The following ADAM7 variants were observed in gnomAD, a reference collection of about 807,000 sequenced individuals.
The protein encoded by ADAM7 is ADAM metallopeptidase domain 7.
A neutral mutation model predicts 102.9 loss-of-function variants in ADAM7; 97 were observed. The ratio of observed to expected loss-of-function variants is 0.94; its 90% CI spans 0.80 to 1.12. The LOEUF is 1.12. ADAM7 is among the 50% of genes most tolerant of loss of function. ADAM7 has a pLI of 0.00. For missense variants in ADAM7, 991 were observed against 908.7 expected (o/e 1.09, Z -1.16); for synonymous variants, 334 against 304.4 (o/e 1.10, Z -1.01).
In ADAM7 at chr8:24,476,519, A is replaced by C; in HGVS notation, c.705+15A>C. 6.3e-7 allele frequency: 1 copy of C among 1,593,578 alleles called. No homozygotes were observed. Among genetic ancestry groups the C allele is most frequent in the Non-Finnish European group, 8.6e-7 (1 of 1,163,336 alleles). On this transcript the variant is annotated intron_variant, in intron 8 of 21. Transcript: ENST00000175238. The stretch of plus-strand genomic sequence containing the variant: ...TTGTCAACATGGTAAGATTTGATAC[A>C]GTTTTTGAATCAAGCCAATAATACG...
intron 10 of ADAM7, among the ~76,000 whole-genome samples, chr8:24,486,764 T>C (rs891512013): frequency 1.3e-5 from 2 of 152,182 alleles, no homozygotes; most frequent in Non-Finnish European, 2.9e-5. Context: ...TTATGAGGGC[T>C]CTGCCCCCAT....
rs779218924 is a variant in ADAM7, at chr8:24,509,183, T to C, written c.*637T>C. The C allele has an allele frequency of 1.2e-5, 12 of 985,296 alleles. No individual in the cohort carries two copies. The highest frequency in any genetic ancestry group is 1.4e-5 in the Non-Finnish European group (12 of 829,950). The allele number at this position is 985,296 out of a possible 1,614,324, so 61.0% of individuals were successfully genotyped here. ...AATTCCTAGGTTTGCCTTTCTAGAA[T>C]TCCTTAAGAAGCTGACAGAGAAATC... On this transcript the variant is annotated 3_prime_UTR_variant, in exon 22 of 22. Transcript: ENST00000175238.
Position 24,489,224 on chromosome 8 carries a change from A to C in ADAM7, c.1157A>C (p.Lys386Thr), listed in dbSNP as rs1449438384. The C allele has an allele frequency of 6.2e-7, 1 of 1,613,550 alleles. No individual in the cohort carries two copies. The highest frequency in any genetic ancestry group is 8.5e-7 in the Non-Finnish European group (1 of 1,179,736). ...NQYHQYLKDY[K>T]PTCMLNIPFP... is the part of the protein sequence containing the mutation. Reference sequence around the variant, plus strand: ...TACCACCAGTACTTGAAGGATTATAAGCCAACATGCATGCTCAACATTCCA... The same window carrying C: ...TACCACCAGTACTTGAAGGATTATACGCCAACATGCATGCTCAACATTCCA... Residue 386 changes from lysine to threonine, a missense_variant, in exon 12 of 22, where the codon AAG becomes ACG. Coordinates refer to ENST00000175238, the MANE Select transcript of ADAM7 (RefSeq NM_003817.4).
intron 21 of ADAM7, among the ~76,000 whole-genome samples, chr8:24,508,219 C>T (rs1821015150): frequency 6.6e-6 from 1 of 152,134 alleles, no homozygotes; most frequent in Admixed American, 6.5e-5. Context: ...CACCGAAAAG[C>T]AGGGCATTTT....
At chr8:24,463,322 G>GT (rs1819313300) in intron 3 of ADAM7, among the ~76,000 whole-genome samples, 2 of 152,112 alleles carry the variant, frequency 1.3e-5, no homozygotes, top group Non-Finnish European at 2.9e-5. Context: ...TTAAAGCACT[G>GT]TAAGGCAGGC....
In ADAM7 at chr8:24,508,592, G is replaced by T. The variant is rs1821028151; in HGVS notation, c.*46G>T. The T allele has an allele frequency of 6.2e-7, 1 of 1,612,842 alleles. No homozygotes were observed. The highest frequency in any genetic ancestry group is 1.3e-5 in the African/African-American group (1 of 74,892). On this transcript the variant is annotated 3_prime_UTR_variant, in exon 22 of 22. Coordinates refer to ENST00000175238, the MANE Select transcript of ADAM7 (RefSeq NM_003817.4). ...AATGGCCGTGCAAGCTTAGGCTGGG[G>T]ATTCTGGATGCAACGTCTTTACAAC...
At chr8:24,501,856 G>A (rs60756153) in intron 20 of ADAM7, among the ~76,000 whole-genome samples, 2,128 of 152,096 alleles carry the variant, frequency 0.014, 47 homozygotes, top group African/African-American at 0.047. Context: ...AAATTTACAA[G>A]CATAAACCAC....
intron 16 of ADAM7, among the ~76,000 whole-genome samples, chr8:24,494,771 C>A (rs1820497429): frequency 6.6e-6 from 1 of 152,104 alleles, no homozygotes; most frequent in South Asian, 2.1e-4. Context: ...CTATGTGGGA[C>A]CTTATTCAAA....
At chr8:24,457,859 TGTGA>T (rs1223447766) in intron 3 of ADAM7, among the ~76,000 whole-genome samples, 126 of 120,790 alleles carry the variant, frequency 1.0e-3, no homozygotes, top group Non-Finnish European at 1.6e-3. Context: ...TGCATATGTG[TGTGA>T]GTGTGTGTGT....
At position 24,466,832 on chromosome 8, in the gene ADAM7, C is replaced by T. The variant is rs1289035433; in HGVS notation, c.423C>T (p.Leu141=). 1.2e-6 allele frequency: 2 copies of T among 1,613,808 alleles called. No individual in the cohort carries two copies. Among genetic ancestry groups the T allele is most frequent in the South Asian group, 2.2e-5 (2 of 90,982 alleles). ...GFFRINDQRY[L]IEPVKYSDEG... ...TCAGAATAAACGACCAAAGATACCT[C>T]ATTGAACCAGTGAAATACTCAGATG... is the stretch of plus-strand genomic sequence containing the variant. The change falls in exon 6 of 22, where the codon CTC becomes CTT. Residue 141 remains leucine (L), a synonymous_variant. Transcript: ENST00000175238.
intron 3 of ADAM7, among the ~76,000 whole-genome samples, chr8:24,453,929 T>C (rs1477719777): frequency 6.6e-6 from 1 of 152,242 alleles, no homozygotes; most frequent in Non-Finnish European, 1.5e-5. Flanking sequence ...CAGACCTGTT[T>C]GCCTGGGTAT....
In ADAM7 at chr8:24,508,546, A is replaced by C; in HGVS notation, c.2265A>C (p.Ter755CysextTer2). ...GIADPNQSAK[*>C] ...TTTTTAACCATCTGTTTCTATTTAG[A>C]GCTTGAAGTTGGATATCCAAAATGG... Residue 755 changes from the stop codon to cysteine (C), a stop_lost and splice_region_variant, in exon 22 of 22, where the codon TGA becomes TGC. Transcript: ENST00000175238. 1.2e-6 allele frequency: 2 copies of C among 1,613,614 alleles called. No individual in the cohort carries two copies. The highest frequency in any genetic ancestry group is 1.7e-6 in the Non-Finnish European group (2 of 1,179,732).
intron 16 of ADAM7, among the ~76,000 whole-genome samples, chr8:24,497,699 A>G (rs1239458044): frequency 6.6e-6 from 1 of 152,288 alleles, no homozygotes; most frequent in East Asian, 1.9e-4. Context: ...TGAAGAATGT[A>G]TGAAAAAATT....
At chr8:24,500,526 A>C (rs1177570932) in intron 18 of ADAM7, among the ~76,000 whole-genome samples, 1 of 152,166 alleles carries the variant, frequency 6.6e-6, no homozygotes, top group Non-Finnish European at 1.5e-5. Context: ...TTCTATAGTT[A>C]TTAACTGACA....
intron 3 of ADAM7, among the ~76,000 whole-genome samples, chr8:24,454,008 G>T (rs1423476502): frequency 6.6e-6 from 1 of 152,184 alleles, no homozygotes; most frequent in Non-Finnish European, 1.5e-5. Context: ...CATTCCTCTG[G>T]AAGTTTTGTC....
rs372490168 is a variant in ADAM7 at position 24,501,451 on chromosome 8, T to G, written c.2109-26T>G. The G allele has an allele frequency of 2.0e-6, 3 of 1,531,606 alleles. No individual in the cohort carries two copies. The East Asian group carries it at 6.8e-5, about 35-fold the overall frequency. 94.9% of individuals were successfully genotyped at this position (1,531,606 alleles called of 1,614,324 possible). A position where few individuals can be genotyped will look rare whatever the true frequency, so the allele number is the denominator to read the frequency against. ...CTGAATAGCCCTATATCTAATAAAT[T>G]AGTTGTTCAATTTCCTTCTTGACAG... On this transcript the variant is annotated intron_variant, in intron 19 of 21. Transcript: ENST00000175238.
At chr8:24,464,217 T>C (rs1016566759) in intron 4 of ADAM7, among the ~76,000 whole-genome samples, 2 of 152,208 alleles carry the variant, frequency 1.3e-5, no homozygotes, top group African/African-American at 2.4e-5. Context: ...ACACTCAATA[T>C]GGTGTTAAGT....
chr8:24,463,528 TG>T (rs1480600930), intron 3 of ADAM7, among the ~76,000 whole-genome samples: 1 of 152,184 alleles, frequency 6.6e-6, no homozygotes, highest in East Asian at 1.9e-4. Flanking sequence ...ATATATCTTA[TG>T]ATGTGATGAA....
intron 16 of ADAM7, among the ~76,000 whole-genome samples, chr8:24,495,782 G>GTGCTT (rs770443401): frequency 1.2e-4 from 18 of 152,174 alleles, no homozygotes; most frequent in Non-Finnish European, 2.6e-4. Context: ...CATTCAATAG[G>GTGCTT]TGACTTGGGT....
Sources: gnomAD v4.1 joint callset for allele counts (sites outside exome capture counted in the v4.1 genomes callset) on GRCh38, gnomAD v4.1.1 for gene constraint, MANE v1.5 for transcripts, NCBI Gene and HGNC (gene_info 2026-07-23, HGNC 2026-07-21) for gene names.